The following TRMT11 variants were observed in gnomAD, a reference collection of about 807,000 sequenced individuals.
TRMT11 encodes the protein tRNA (guanine(10)-N(2))-methyltransferase TRMT11.
Under a neutral mutation model 62.8 loss-of-function variants are expected in TRMT11, and 53 were observed. The observed-to-expected ratio is 0.84, with a 90% CI of 0.68 to 1.06. The LOEUF (loss-of-function observed/expected upper bound fraction) is 1.06. TRMT11 is among the 50% of genes least tolerant of loss of function. TRMT11 has a pLI of 0.00. For synonymous variants in TRMT11, 188 were observed against 190.3 expected, an observed-to-expected ratio of 0.99 and a Z score of 0.10; for missense variants, 556 against 553.4, an observed-to-expected ratio of 1.00 and a Z score of -0.05.
At chr6:126,013,268 GT>G (rs1223776794) in intron 11 of TRMT11, among the ~76,000 whole-genome samples, 167 bp downstream of exon 11, 1 of 151,542 alleles carries the variant, frequency 6.6e-6, no homozygotes, top group Non-Finnish European at 1.5e-5. Flanking sequence ...TATTTATTTA[GT>G]TTTTTGAGAC....
chr6:126,245,634 A>G, the TRMT11 span, among the ~76,000 whole-genome samples: 3 of 152,376 alleles, frequency 2.0e-5, no homozygotes, highest in African/African-American at 7.2e-5. Flanking sequence ...AGCTTTAAAA[A>G]CTTGATATAA....
intron 7 of TRMT11, among the ~76,000 whole-genome samples, chr6:126,000,374 G>A (rs1792270732): frequency 6.6e-6 from 1 of 152,102 alleles, no homozygotes; most frequent in Non-Finnish European, 1.5e-5. Flanking sequence ...CTTGGGCAGT[G>A]ATGATGCAGA....
chr6:126,107,318 T>C (rs981708539), intron 17 of TRMT11, among the ~76,000 whole-genome samples: 1 of 152,208 alleles, frequency 6.6e-6, no homozygotes, highest in Non-Finnish European at 1.5e-5. Context: ...AAGAGTATCA[T>C]TAGCGTCAGA....
chr6:126,093,255 T>G (rs1463807700), intron 17 of TRMT11, among the ~76,000 whole-genome samples: 2 of 151,980 alleles, frequency 1.3e-5, no homozygotes, highest in Admixed American at 6.6e-5. Context: ...TAACTTAGCA[T>G]ATTAACTCTA....
At chr6:126,167,944 G>A (rs1014469043) in intron 21 of TRMT11, among the ~76,000 whole-genome samples, 3 of 152,192 alleles carry the variant, frequency 2.0e-5, no homozygotes, top group Non-Finnish European at 2.9e-5. Flanking sequence ...TCAGAAGCCT[G>A]TGATGTTGGA....
chr6:126,093,623 A>ATTTTTTTTTTTTTTTT (rs1301464523), intron 17 of TRMT11, among the ~76,000 whole-genome samples: 2 of 101,198 alleles, frequency 2.0e-5, no homozygotes, highest in African/African-American at 1.1e-4. Flanking sequence ...ATATATATAT[A>ATTTTTTTTTTTTTTTT]TATATATATT....
intron 17 of TRMT11, among the ~76,000 whole-genome samples, chr6:126,077,839 G>A (rs1777063722): frequency 6.6e-6 from 1 of 152,164 alleles, no homozygotes; most frequent in African/African-American, 2.4e-5. Flanking sequence ...ACTAAGTTGT[G>A]TGGCACAGAC....
At chr6:126,258,145 A>G in the TRMT11 span, 2 of 783,160 alleles carry the variant, frequency 2.6e-6, no homozygotes, top group Non-Finnish European at 4.6e-6. Flanking sequence ...TCCATGATCC[A>G]CTCCTCCAGG....
At chr6:126,210,743 A>G in the TRMT11 span, among the ~76,000 whole-genome samples, 1 of 152,194 alleles carries the variant, frequency 6.6e-6, no homozygotes, top group Non-Finnish European at 1.5e-5. Context: ...TATGTTTGTT[A>G]CTTTCAAGCA....
At chr6:126,085,587 A>C (rs1777207427) in intron 17 of TRMT11, among the ~76,000 whole-genome samples, 1 of 152,192 alleles carries the variant, frequency 6.6e-6, no homozygotes, top group Admixed American at 6.5e-5. Context: ...GAAGACCTGC[A>C]GTGTCAGTAA....
At chr6:125,998,336 A>C in intron 5 of TRMT11, 21 bp downstream of exon 5, 1 of 1,504,856 alleles carries the variant, frequency 6.6e-7, no homozygotes, top group Non-Finnish European at 9.2e-7. Flanking sequence ...TTAGCAAAAC[A>C]AAAAACCTAC....
chr6:126,026,929 A>G (rs1292111372), intron 12 of TRMT11, among the ~76,000 whole-genome samples: 1 of 150,622 alleles, frequency 6.6e-6, no homozygotes, highest in Non-Finnish European at 1.5e-5. Flanking sequence ...CAGCCTCCCA[A>G]GTAGCTGGGA....
the TRMT11 span, among the ~76,000 whole-genome samples, chr6:126,209,708 A>G: frequency 6.6e-6 from 1 of 152,172 alleles, no homozygotes; most frequent in Non-Finnish European, 1.5e-5. Context: ...AGCCTGGGAG[A>G]CAGCGGCGAG....
intron 21 of TRMT11, among the ~76,000 whole-genome samples, chr6:126,134,123 C>T (rs1777822337): frequency 6.6e-6 from 1 of 151,770 alleles, no homozygotes. Context: ...AAACAAGTAA[C>T]AAAATGGCAG....
chr6:126,171,667 A>G (rs1006307210), intron 21 of TRMT11, among the ~76,000 whole-genome samples: 5 of 152,112 alleles, frequency 3.3e-5, no homozygotes, highest in African/African-American at 4.8e-5. Context: ...AGGTGGTGAT[A>G]CTTTAATGTT....
intron 6 of TRMT11, among the ~76,000 whole-genome samples, chr6:125,999,026 C>T (rs1792060529): frequency 6.7e-6 from 1 of 150,014 alleles, no homozygotes; most frequent in Non-Finnish European, 1.5e-5. Context: ...TGAGGAATCT[C>T]ATTTGTGGAG....
At chr6:126,033,219 T>C (rs1774534383) in intron 12 of TRMT11, among the ~76,000 whole-genome samples, 2 of 152,166 alleles carry the variant, frequency 1.3e-5, no homozygotes, top group African/African-American at 4.8e-5. Context: ...GAGCAGTTTA[T>C]GATGGTCAGT....
chr6:126,213,261 G>T, the TRMT11 span, among the ~76,000 whole-genome samples: 3 of 151,998 alleles, frequency 2.0e-5, no homozygotes, highest in Non-Finnish European at 4.4e-5. Context: ...TGGATCTCTT[G>T]TGAGTCCATA....
chr6:126,157,740 T>A (rs1778137624), intron 21 of TRMT11, among the ~76,000 whole-genome samples: 1 of 152,242 alleles, frequency 6.6e-6, no homozygotes, highest in South Asian at 2.1e-4. Flanking sequence ...TAAATTTACA[T>A]TTGGATTTCT....
Sources: gnomAD v4.1 joint callset for allele counts (sites outside exome capture counted in the v4.1 genomes callset) on GRCh38, gnomAD v4.1.1 for gene constraint, MANE v1.5 for transcripts, NCBI Gene and HGNC (gene_info 2026-07-23, HGNC 2026-07-21) for gene names.